The following ARID1B variants were observed in gnomAD, a reference collection of about 807,000 sequenced individuals.
ARID1B encodes AT-rich interaction domain 1B, also known as AT-rich interactive domain-containing protein 1B.
In ARID1B, 30 loss-of-function variants were observed where a neutral mutation model predicts 212.3. The ratio of observed to expected loss-of-function variants is 0.14; its 90% confidence interval spans 0.11 to 0.19. The LOEUF (loss-of-function observed/expected upper bound fraction) is 0.19, where lower values mean the gene tolerates loss of function less well. Among genes scored for constraint, ARID1B ranks in the 10% least tolerant of loss-of-function variants. The pLI is 1.00. For missense variants in ARID1B, 2,891 were observed against 3,204.0 expected, an observed-to-expected ratio of 0.90 and a Z score of 2.36; for synonymous variants, 1,402 against 1,301.7, an observed-to-expected ratio of 1.08 and a Z score of -1.66.
intron 3 of ARID1B, among the ~76,000 whole-genome samples, chr6:156,927,585 T>A (rs1791327398): frequency 1.3e-5 from 2 of 152,232 alleles, no homozygotes. Flanking sequence ...TTTACTGCAT[T>A]ATTTTGCAGT....
At chr6:157,039,690 C>CTTCCTTCA (rs1583196886) in intron 4 of ARID1B, among the ~76,000 whole-genome samples, 1 of 68,722 alleles carries the variant, frequency 1.5e-5, no homozygotes, top group African/African-American at 4.8e-5. Flanking sequence ...TCCTTCCTTC[C>CTTCCTTCA]TTCCTTCTTT....
intron 4 of ARID1B, among the ~76,000 whole-genome samples, chr6:157,013,709 G>C (rs1562549618): frequency 6.6e-6 from 1 of 152,308 alleles, no homozygotes; most frequent in East Asian, 1.9e-4. Context: ...GCAATCTCAT[G>C]GACTTACCTT....
chr6:156,913,321 A>G (rs368083711), intron 3 of ARID1B, among the ~76,000 whole-genome samples: 2 of 151,174 alleles, frequency 1.3e-5, no homozygotes, highest in South Asian at 2.1e-4. Flanking sequence ...GGTTCAAGCA[A>G]TTCTCCTGCC....
chr6:157,112,795 C>T (rs1254454512), intron 6 of ARID1B, among the ~76,000 whole-genome samples: 1 of 152,150 alleles, frequency 6.6e-6, no homozygotes, highest in Non-Finnish European at 1.5e-5. Context: ...TTTAGTGGTA[C>T]CACTGTATGG....
chr6:156,981,165 T>TA (rs1249071611), intron 4 of ARID1B, among the ~76,000 whole-genome samples: 2 of 152,182 alleles, frequency 1.3e-5, no homozygotes, highest in Non-Finnish European at 2.9e-5. Flanking sequence ...AGCACTGACT[T>TA]AGTCTCTTCC....
intron 4 of ARID1B, among the ~76,000 whole-genome samples, chr6:157,064,015 G>A (rs1783518834): frequency 6.6e-6 from 1 of 152,316 alleles, no homozygotes; most frequent in Admixed American, 6.5e-5. Context: ...CAGAACATGG[G>A]GTGGTTAAAT....
At chr6:157,003,124 A>G (rs1779003726) in intron 4 of ARID1B, among the ~76,000 whole-genome samples, 1 of 152,240 alleles carries the variant, frequency 6.6e-6, no homozygotes. Flanking sequence ...TGAGGAGGTT[A>G]GCCTTGATCC....
At chr6:156,967,287 A>G (rs1055829161) in intron 4 of ARID1B, among the ~76,000 whole-genome samples, 2 of 152,232 alleles carry the variant, frequency 1.3e-5, no homozygotes, top group African/African-American at 2.4e-5. Flanking sequence ...CCACATACAT[A>G]CACATATCCA....
At chr6:156,995,328 G>T (rs1778523120) in intron 4 of ARID1B, among the ~76,000 whole-genome samples, 1 of 152,232 alleles carries the variant, frequency 6.6e-6, no homozygotes, top group Admixed American at 6.5e-5. Context: ...ATTTTAAATA[G>T]CTGACCTGAA....
At chr6:157,136,863 A>C (rs1212990310) in intron 7 of ARID1B, among the ~76,000 whole-genome samples, 1 of 152,006 alleles carries the variant, frequency 6.6e-6, no homozygotes, top group Non-Finnish European at 1.5e-5. Context: ...CCCTGTCTTT[A>C]AAAAAACAAC....
At chr6:157,004,963 A>C (rs1376066918) in intron 4 of ARID1B, among the ~76,000 whole-genome samples, 1 of 113,224 alleles carries the variant, frequency 8.8e-6, no homozygotes, top group Admixed American at 1.4e-4. Context: ...TCCAGGCTGG[A>C]GTACAGTGGC....
intron 2 of ARID1B, among the ~76,000 whole-genome samples, chr6:156,898,665 A>G (rs1337985731): frequency 6.6e-6 from 1 of 152,174 alleles, no homozygotes; most frequent in Non-Finnish European, 1.5e-5. Context: ...AAAAACAATA[A>G]TGATCATTAA....
Position 156,951,458 on chromosome 6 carries a change from T to A in ARID1B, c.2247+15882T>A, listed in dbSNP as rs1462835764. The stretch of plus-strand genomic sequence containing the variant: ...TTTATTTTCTTTCTTTTTCTTTTTT[T>A]TTTGAAATGGAGTCTCGCTCTGTCA... On this transcript the variant is annotated intron_variant, in intron 4 of 19. Transcript: ENST00000636930. Among the ~76,000 whole-genome samples the A allele has an allele frequency of 2.6e-5, 4 of 152,190 alleles. No individual in the cohort carries two copies. The East Asian group carries it at 7.7e-4, about 29-fold the overall frequency.
intron 5 of ARID1B, among the ~76,000 whole-genome samples, chr6:157,090,183 G>T (rs1345022588): frequency 6.9e-6 from 1 of 145,826 alleles, no homozygotes; most frequent in Non-Finnish European, 1.5e-5. Flanking sequence ...AGAGGCTTTT[G>T]TCAGCTTTTC....
intron 4 of ARID1B, among the ~76,000 whole-genome samples, chr6:157,038,195 G>A (rs1245631242): frequency 6.6e-6 from 1 of 152,100 alleles, no homozygotes; most frequent in East Asian, 1.9e-4. Context: ...AGAAGTATAG[G>A]GTAGGTGCCA....
At chr6:157,070,240 A>C (rs1294148004) in intron 4 of ARID1B, among the ~76,000 whole-genome samples, 1 of 151,964 alleles carries the variant, frequency 6.6e-6, no homozygotes, top group African/African-American at 2.4e-5. Context: ...GAAAGATAAA[A>C]TATATTTCTC....
chr6:156,980,823 G>A (rs1777561560), intron 4 of ARID1B, among the ~76,000 whole-genome samples: 1 of 152,198 alleles, frequency 6.6e-6, no homozygotes, highest in African/African-American at 2.4e-5. Context: ...CTGAGGCAGT[G>A]AAGAGCCCTT....
intron 19 of ARID1B, chr6:157,205,899 AAAGT>A (rs1283141655): frequency 4.6e-6 from 2 of 439,108 alleles, no homozygotes; most frequent in Non-Finnish European, 8.3e-6. Context: ...ATGAGAATAA[AAAGT>A]AAGTTTTCGT....
chr6:156,862,596 GA>G (rs1785410137), intron 2 of ARID1B, among the ~76,000 whole-genome samples: 1 of 152,232 alleles, frequency 6.6e-6, no homozygotes, highest in African/African-American at 2.4e-5. Flanking sequence ...AGGTCAGGGA[GA>G]AATAAGGATT....
Sources: gnomAD v4.1 joint callset for allele counts (sites outside exome capture counted in the v4.1 genomes callset) on GRCh38, gnomAD v4.1.1 for gene constraint, MANE v1.5 for transcripts, NCBI Gene and HGNC (gene_info 2026-07-23, HGNC 2026-07-21) for gene names.